The following CHAT variants were observed in gnomAD, a reference collection of about 807,000 sequenced individuals.
CHAT encodes the protein acetyl CoA:choline O-acetyltransferase.
In CHAT, 61 loss-of-function variants were observed where a neutral mutation model predicts 76.9. The observed-to-expected ratio is 0.79, with a 90% CI of 0.65 to 0.98. The LOEUF (loss-of-function observed/expected upper bound fraction) is 0.98, where lower values mean the gene tolerates loss of function less well. CHAT is among the 50% of genes least tolerant of loss of function. The probability of loss-of-function intolerance (pLI) is 0.00; values close to 1 mark genes in which losing one functional copy is unlikely to be tolerated. For synonymous variants in CHAT, 407 were observed against 397.4 expected (o/e 1.02, Z -0.29); for missense variants, 946 against 986.9 (o/e 0.96, Z 0.56).
chr10:49,658,206 AC>A, intron 13 of CHAT, among the ~76,000 whole-genome samples: 1 of 152,134 alleles, frequency 6.6e-6, no homozygotes, highest in East Asian at 1.9e-4. Context: ...ACATGGTGAA[AC>A]CCTGTCTCTA....
chr10:49,631,271 A>G (rs1343713207), intron 7 of CHAT, among the ~76,000 whole-genome samples: 1 of 152,178 alleles, frequency 6.6e-6, no homozygotes, highest in Non-Finnish European at 1.5e-5. Context: ...CTTACAGTTT[A>G]GCAGGTGGGT....
chr10:49,614,124 G>A lies in CHAT; in HGVS notation c.-66G>A. The A allele has an allele frequency of 2.6e-6, 4 of 1,546,124 alleles. No homozygotes were observed. Among genetic ancestry groups the A allele is most frequent in the South Asian group, 1.2e-5 (1 of 83,914 alleles). On this transcript the variant is annotated 5_prime_UTR_variant, in exon 1 of 15. Transcript: ENST00000337653. The stretch of plus-strand genomic sequence containing the variant: ...TAAATTTGTTGCCCGAGTTCCTCCG[G>A]GAAGCGCTCCGGGTAGATTCTGGGG...
Sources: gnomAD v4.1 joint callset for allele counts (sites outside exome capture counted in the v4.1 genomes callset) on GRCh38, gnomAD v4.1.1 for gene constraint, MANE v1.5 for transcripts, NCBI Gene and HGNC (gene_info 2026-07-23, HGNC 2026-07-21) for gene names.